Variants in RYR1 observed in about 807,000 individuals in gnomAD.
RYR1 encodes the protein ryanodine receptor 1.
RYR1 carries 342 observed loss-of-function variants against 583.5 expected under a neutral mutation model. The ratio of observed to expected loss-of-function variants is 0.59; its 90% CI spans 0.54 to 0.64. RYR1 has a LOEUF of 0.64. Ranked by LOEUF, RYR1 falls within the 30% of genes least tolerant of loss-of-function variation. The pLI, the probability that RYR1 is intolerant of heterozygous loss-of-function variation, is 0.00. For missense variants in RYR1, 6,032 were observed against 6,917.2 expected (o/e 0.87, Z 4.54); for synonymous variants, 2,791 against 2,822.5 (o/e 0.99, Z 0.35).
intron 88 of RYR1, among the ~76,000 whole-genome samples, chr19:38,547,718 CT>C (rs34547615): frequency 0.1 from 14,829 of 141,882 alleles, 1,467 homozygotes; most frequent in African/African-American, 0.27. Flanking sequence ...TCATCATTAT[CT>C]TTTTTTTTTT....
intron 99 of RYR1, among the ~76,000 whole-genome samples, chr19:38,578,982 G>A (rs978618350): frequency 8.5e-5 from 13 of 152,080 alleles, no homozygotes; most frequent in East Asian, 1.9e-4. Flanking sequence ...TTAGCCAGGC[G>A]TGGTGGTGCA....
intron 70 of RYR1, 40 bp from the exon 71 acceptor site, chr19:38,525,273 GTTGGGGCTGAGGCATGGGA>G (rs1198634811): frequency 6.2e-7 from 1 of 1,608,952 alleles, no homozygotes; most frequent in African/African-American, 1.3e-5. Flanking sequence ...ATGGCCGCGG[GTTGGGGCTGAGGCATGGGA>G]TTGGGGCTTG....
At chr19:38,463,891 G>T in intron 22 of RYR1, 41 bp downstream of exon 22, 4 of 1,472,860 alleles carry the variant, frequency 2.7e-6, no homozygotes, top group Non-Finnish European at 3.8e-6. Context: ...CTGGCTGCTG[G>T]TGCGGTGGGG....
At chr19:38,513,304 G>A (rs1970811438) in intron 63 of RYR1, among the ~76,000 whole-genome samples, 1 of 151,620 alleles carries the variant, frequency 6.6e-6, no homozygotes, top group South Asian at 2.1e-4. Context: ...GCCATTGCAC[G>A]CCAGCCTGGG....
At position 38,448,782 on chromosome 19, in the gene RYR1, A is replaced by G. The variant is rs773211591; in HGVS notation, c.1091A>G (p.Lys364Arg). The G allele has an allele frequency of 2.4e-5, 39 of 1,614,034 alleles. No homozygotes were observed. In the East Asian group the frequency reaches 8.5e-4, roughly 35 times the overall value. Reference protein sequence around the residue: ...LWLTYAAPDPKALRLGVLKKK... With the variant: ...LWLTYAAPDPRALRLGVLKKK... Reference sequence around the variant, plus strand: ...CTCACCTATGCTGCTCCAGACCCCAAGGCCCTGCGGCTCGGCGTGCTCAAG... The same window carrying G: ...CTCACCTATGCTGCTCCAGACCCCAGGGCCCTGCGGCTCGGCGTGCTCAAG... Residue 364 changes from lysine to arginine, a missense_variant, in exon 11 of 106, where the codon AAG (lysine) becomes AGG (arginine). By Grantham distance (26) the Lys-to-Arg change is conservative. Around this residue, in one of 11 missense-constraint regions of RYR1, gnomAD observed 338 missense variants for 441.6 expected, o/e 0.77. Transcript: ENST00000359596.
chr19:38,444,289 C>G lies in RYR1; in HGVS notation c.537+28C>G, dbSNP rs1972834178. 6.4e-7 allele frequency: 1 copy of G among 1,566,120 alleles called. No homozygotes were observed. The highest frequency in any genetic ancestry group is 8.8e-7 in the Non-Finnish European group (1 of 1,137,992). Reference sequence around the variant, plus strand: ...GAGCCATTGCGGTTCCTCCTGCTCCCAGGTCTGGGGGCGCATGGGATGGTC... The same window carrying G: ...GAGCCATTGCGGTTCCTCCTGCTCCGAGGTCTGGGGGCGCATGGGATGGTC... On this transcript the variant is annotated intron_variant, in intron 6 of 105. Coordinates refer to ENST00000359596, the MANE Select transcript of RYR1 (RefSeq NM_000540.3). The surrounding 1 kb of genome is among the most constrained non-coding windows in gnomAD (Gnocchi z 5.1).
rs1451177752 is a variant in RYR1, at chr19:38,473,711, C to T, written c.4100C>T (p.Ala1367Val). ...PGGTPQAGGE[A>V]QPARAENEKD... ...GGCACCCCGCAGGCGGGGGGAGAGGCGCAGCCCGCCAGGGCGGAGAATGAG... is the reference window on the plus strand; with the variant it reads ...GGCACCCCGCAGGCGGGGGGAGAGGTGCAGCCCGCCAGGGCGGAGAATGAG... Residue 1367 changes from alanine (A) to valine (V), a missense_variant, in exon 28 of 106, where the codon GCG (alanine) becomes GTG (valine). Coordinates refer to ENST00000359596, the MANE Select transcript of RYR1 (RefSeq NM_000540.3). 1.2e-5 allele frequency: 19 copies of T among 1,548,512 alleles called. No homozygotes were observed. The highest frequency in any genetic ancestry group is 8.2e-5 in the African/African-American group (6 of 73,028).
At chr19:38,453,844 A>T (rs1376731808) in intron 13 of RYR1, among the ~76,000 whole-genome samples, 2 of 151,778 alleles carry the variant, frequency 1.3e-5, no homozygotes, top group African/African-American at 4.8e-5. Context: ...ATGAGGGCAG[A>T]GAGGTGACGA....
In RYR1 at chr19:38,505,344, C is replaced by G; in HGVS notation, c.8346C>G (p.Asp2782Glu). 6.2e-7 allele frequency: 1 copy of G among 1,612,398 alleles called. No individual in the cohort carries two copies. The highest frequency in any genetic ancestry group is 8.5e-7 in the Non-Finnish European group (1 of 1,179,272). ...QNNWSYGENI[D>E]EELKTHPMLR... is the part of the protein sequence containing the mutation. ...ACTGGTCCTATGGAGAGAACATAGA[C>G]GAGGAGCTGAAGACCCACCCCATGC... is the stretch of plus-strand genomic sequence containing the variant. Residue 2782 changes from aspartate (D) to glutamate (E), a missense_variant, in exon 53 of 106, where the codon GAC becomes GAG. Physicochemically the swap from Asp to Glu is conservative, Grantham distance 45 (BLOSUM62 2). Transcript: ENST00000359596.
chr19:38,492,319 C>T (rs1164680778), intron 37 of RYR1, among the ~76,000 whole-genome samples, 171 bp from the exon 38 acceptor site: 1 of 144,816 alleles, frequency 6.9e-6, no homozygotes, highest in Non-Finnish European at 1.5e-5. Flanking sequence ...GAGTTGACAT[C>T]ATGCTACTGC....
chr19:38,574,133 G>A (rs1973848943), intron 96 of RYR1, among the ~76,000 whole-genome samples: 1 of 151,886 alleles, frequency 6.6e-6, no homozygotes, highest in African/African-American at 2.4e-5. Flanking sequence ...GGTGGTGGGT[G>A]CCTGTGGTCC....
chr19:38,505,158 C>A (rs1301163737), intron 52 of RYR1, 77 bp downstream of exon 52: 1 of 1,376,222 alleles, frequency 7.3e-7, no homozygotes, highest in Non-Finnish European at 1.0e-6. Flanking sequence ...TCCCTGAGGC[C>A]CCAGATCTCC....
Position 38,516,228 on chromosome 19 carries a change from TG to T in RYR1, c.9685+15del. 1 of 1,584,524 alleles carries T rather than the reference TG, an allele frequency of 6.3e-7. No individual in the cohort carries two copies. The highest frequency in any genetic ancestry group is 1.8e-5 in the Admixed American group (1 of 55,904). Reference sequence around the variant, plus strand: ...CGCGGGAGCGGGCCAGTAAGCTGTGTGGGGCGGGAGCAGTGCTGGGAGTCCA... The same window carrying T: ...CGCGGGAGCGGGCCAGTAAGCTGTGTGGGCGGGAGCAGTGCTGGGAGTCCA... On this transcript the variant is annotated intron_variant, in intron 65 of 105. Transcript: ENST00000359596.
At chr19:38,457,760 A>T (rs1967495447) in intron 17 of RYR1, 130 bp downstream of exon 17, 3 of 969,380 alleles carry the variant, frequency 3.1e-6, no homozygotes, top group Middle Eastern at 2.0e-4. Flanking sequence ...GTCCTCACAG[A>T]TGTCCACTGT....
chr19:38,534,570 G>A, intron 78 of RYR1, 150 bp from the exon 79 acceptor site: 2 of 721,154 alleles, frequency 2.8e-6, no homozygotes, highest in African/African-American at 3.5e-5. Context: ...TACATCGAGG[G>A]TGTGAGCCCC....
In RYR1 at chr19:38,500,675, G is replaced by A. The variant is rs756955433; in HGVS notation, c.7393G>A (p.Asp2465Asn). Residue 2465 changes from aspartate (D) to asparagine (N), a missense_variant, in exon 46 of 106, where the codon GAC (aspartate) becomes AAC (asparagine). Transcript: ENST00000359596. This position sits in a 1 kb window ranked among gnomAD's most constrained non-coding sequence, Gnocchi z 5.9. Reference sequence around the variant, plus strand: ...CCTCCGCTCCCTTGTGCCCTTGGAGGACCTTGTGGGCATCATCAGCCTCCC... The same window carrying A: ...CCTCCGCTCCCTTGTGCCCTTGGAGAACCTTGTGGGCATCATCAGCCTCCC... ...AILRSLVPLE[D>N]LVGIISLPLQ... The A allele has an allele frequency of 1.9e-6, 3 of 1,614,102 alleles. No individual in the cohort carries two copies. Among genetic ancestry groups the A allele is most frequent in the Admixed American group, 1.7e-5 (1 of 60,022 alleles).
intron 71 of RYR1, 97 bp downstream of exon 71, chr19:38,525,599 C>A: frequency 7.5e-7 from 1 of 1,327,022 alleles, no homozygotes. Flanking sequence ...GCCACTGAGC[C>A]CCCCAGGTCC....
rs994433422 is a variant in RYR1, at chr19:38,517,655, G to T, written c.9982G>T (p.Gly3328Cys). Residue 3328 changes from glycine to cysteine, a missense_variant, in exon 66 of 106, where the codon GGC becomes TGC. Gly to Cys is a radical substitution (Grantham distance 159). This residue lies in a region of RYR1 where 1,493 missense variants were observed against 1,715.5 expected (regional missense o/e 0.87). Transcript: ENST00000359596. ...NILRIIVNNLGIDEASWMKRL... is the reference protein window; with the variant it reads ...NILRIIVNNLCIDEASWMKRL... ...CCTGAGAATCATCGTCAACAACCTG[G>T]GCATTGACGAGGCCTCCTGGATGAA... 6.2e-7 allele frequency: 1 copy of T among 1,614,166 alleles called. No individual in the cohort carries two copies. Among genetic ancestry groups the T allele is most frequent in the Non-Finnish European group, 8.5e-7 (1 of 1,180,038 alleles).
chr19:38,553,980 C>T (rs1291919516), intron 89 of RYR1, among the ~76,000 whole-genome samples: 2 of 152,194 alleles, frequency 1.3e-5, no homozygotes, highest in African/African-American at 2.4e-5. Flanking sequence ...TTGATGGACA[C>T]TGGCTTTATT....
Sources: allele counts gnomAD v4.1 joint callset (sites outside exome capture counted in the v4.1 genomes callset), GRCh38; gene constraint gnomAD v4.1.1; regional missense constraint gnomAD v4.1.1; non-coding constraint Gnocchi (gnomAD v3.1); transcripts MANE v1.5; gene names NCBI Gene and HGNC (gene_info 2026-07-23, HGNC 2026-07-21).